APBB1IP: variants seen among roughly 807,000 people sequenced by gnomAD.
APBB1IP encodes amyloid beta A4 precursor protein-binding family B member 1-interacting protein.
Under a neutral mutation model 64.9 loss-of-function variants are expected in APBB1IP, and 27 were observed. The observed-to-expected ratio is 0.42, with a 90% CI of 0.31 to 0.57. The LOEUF (loss-of-function observed/expected upper bound fraction) is 0.57. APBB1IP is among the 20% of genes least tolerant of loss of function. The pLI, the probability that APBB1IP is intolerant of heterozygous loss-of-function variation, is 0.20. For missense variants in APBB1IP, 812 were observed against 845.5 expected (o/e 0.96, Z 0.49); for synonymous variants, 392 against 331.0 (o/e 1.18, Z -2.00).
At position 26,533,515 on chromosome 10, in the gene APBB1IP, C is replaced by T; in HGVS notation, c.890C>T (p.Ser297Phe). ...NEKMNAKNKESLLEESFCGTS... is the reference protein window; with the variant it reads ...NEKMNAKNKEFLLEESFCGTS... Reference sequence around the variant, plus strand: ...AAAATGAATGCTAAGAACAAGGAATCCTTACTTGAGGTAAGGTTAATTTTG... The same window carrying T: ...AAAATGAATGCTAAGAACAAGGAATTCTTACTTGAGGTAAGGTTAATTTTG... Residue 297 changes from serine to phenylalanine, a missense_variant, in exon 9 of 15, where the codon TCC becomes TTC. Ser to Phe is a radical substitution (Grantham distance 155). This residue lies in a region of APBB1IP where 394 missense variants were observed against 413.1 expected (regional missense o/e 0.95). Transcript: ENST00000376236. 2 of 1,597,940 alleles carry T rather than the reference C, an allele frequency of 1.3e-6. No individual in the cohort carries two copies. Among genetic ancestry groups the T allele is most frequent in the Non-Finnish European group, 1.7e-6 (2 of 1,172,948 alleles).
Position 26,484,776 on chromosome 10 carries a change from T to A in APBB1IP, c.1-7551T>A, listed in dbSNP as rs549532543. Among the ~76,000 whole-genome samples the A allele has an allele frequency of 1.7e-3, 252 of 152,302 alleles. 1 individual carries two copies. The highest frequency in any genetic ancestry group is 5.8e-3 in the African/African-American group (241 of 41,548). ...TGCATCAAATAATCCCTTAATTTAA[T>A]ACCATTCTGCTCAAAATTCAGTTTC... On this transcript the variant is annotated intron_variant, in intron 2 of 14. Transcript: ENST00000376236.
At position 26,513,638 on chromosome 10, in the gene APBB1IP, A is replaced by G. The variant is rs764152257; in HGVS notation, c.791A>G (p.Tyr264Cys). 6.2e-7 allele frequency: 1 copy of G among 1,612,968 alleles called. No homozygotes were observed. Among genetic ancestry groups the G allele is most frequent in the South Asian group, 1.1e-5 (1 of 90,676 alleles). ...KILFLEKEEK[Y>C]AVFKNPQNFY... The stretch of plus-strand genomic sequence containing the variant: ...CTATTTTTGGAGAAAGAGGAGAAAT[A>G]TGCTGTATTTAAAAACCCCCAGGTA... The change falls in exon 8 of 15, where the codon TAT becomes TGT. Residue 264 changes from tyrosine to cysteine, a missense_variant. Physicochemically the swap from Tyr to Cys is radical, Grantham distance 194. Transcript: ENST00000376236.
chr10:26,490,909 G>T (rs1835947074), intron 2 of APBB1IP, among the ~76,000 whole-genome samples: 1 of 152,066 alleles, frequency 6.6e-6, no homozygotes, highest in Admixed American at 6.6e-5. Context: ...AATACATACT[G>T]ATTCCCTACA....
intron 10 of APBB1IP, among the ~76,000 whole-genome samples, chr10:26,537,531 C>T (rs1318198577): frequency 6.6e-6 from 1 of 152,172 alleles, no homozygotes; most frequent in Non-Finnish European, 1.5e-5. Flanking sequence ...TCACAACTGA[C>T]CCACAAATAA....
intron 2 of APBB1IP, among the ~76,000 whole-genome samples, chr10:26,450,742 C>G (rs906001382): frequency 5.4e-5 from 8 of 147,446 alleles, no homozygotes; most frequent in Non-Finnish European, 8.9e-5. Flanking sequence ...GTCTCCCAGG[C>G]TGGAGTACAA....
chr10:26,541,255 G>A (rs923598519), intron 10 of APBB1IP, among the ~76,000 whole-genome samples: 5 of 152,268 alleles, frequency 3.3e-5, no homozygotes, highest in African/African-American at 9.6e-5. Context: ...ATAATGTATG[G>A]TGATCAGATC....
chr10:26,474,334 T>C (rs757082521), intron 2 of APBB1IP, among the ~76,000 whole-genome samples: 1 of 152,216 alleles, frequency 6.6e-6, no homozygotes, highest in Non-Finnish European at 1.5e-5. Context: ...GCAAGTTCAT[T>C]ACTTCATTGC....
chr10:26,495,615 A>G lies in APBB1IP; in HGVS notation c.73-689A>G, dbSNP rs1339016527. On this transcript the variant is annotated intron_variant, in intron 3 of 14. Transcript: ENST00000376236. ...AAGACCCCCGTCTCATTTTTGTTAA[A>G]AAAAAAAAAAAGAATAGGAAAGAGG... 1.3e-5 allele frequency among the ~76,000 whole-genome samples: 2 copies of G among 149,894 alleles called. 1 individual carries two copies. The highest frequency in any genetic ancestry group is 4.9e-5 in the African/African-American group (2 of 40,864).
intron 2 of APBB1IP, among the ~76,000 whole-genome samples, chr10:26,442,070 T>C (rs1835344008): frequency 6.6e-6 from 1 of 152,100 alleles, no homozygotes; most frequent in Non-Finnish European, 1.5e-5. Context: ...ACAATGAGTT[T>C]ATAGTCTAGA....
At chr10:26,469,647 C>T (rs703005) in intron 2 of APBB1IP, among the ~76,000 whole-genome samples, 97,324 of 151,960 alleles carry the variant, frequency 0.64, 31,482 homozygotes, top group East Asian at 0.93. Flanking sequence ...ACAAGTTTGT[C>T]ACTGGGTATA....
chr10:26,531,523 C>T lies in APBB1IP; in HGVS notation c.814-1916C>T, dbSNP rs555600674. Among the ~76,000 whole-genome samples, 32 of 151,874 alleles carry T rather than the reference C, an allele frequency of 2.1e-4. No individual in the cohort carries two copies. In the South Asian group the frequency reaches 6.2e-3, roughly 30 times the overall value. ...TCTACTAAAAATACAAAAAATTAGC[C>T]GGGCGCGATGGCGGGCGCCTGTAGT... On this transcript the variant is annotated intron_variant, in intron 8 of 14. Transcript: ENST00000376236.
chr10:26,564,090 C>T (rs1461958853), intron 14 of APBB1IP, among the ~76,000 whole-genome samples: 3 of 97,716 alleles, frequency 3.1e-5, no homozygotes, highest in African/African-American at 8.7e-5. Context: ...AGTAAATAAA[C>T]TAAATAAAAT....
chr10:26,447,433 A>T (rs1835414073), intron 2 of APBB1IP, among the ~76,000 whole-genome samples: 1 of 152,066 alleles, frequency 6.6e-6, no homozygotes, highest in Non-Finnish European at 1.5e-5. Flanking sequence ...AAATGGAAGA[A>T]AGATACGCCA....
intron 10 of APBB1IP, among the ~76,000 whole-genome samples, chr10:26,538,849 C>G (rs1316895091): frequency 2.6e-5 from 4 of 152,022 alleles, no homozygotes. Context: ...TGAAGAACAT[C>G]AAGGTAGATC....
chr10:26,459,981 ATTTAC>A (rs939970045), intron 2 of APBB1IP, among the ~76,000 whole-genome samples: 1 of 152,136 alleles, frequency 6.6e-6, no homozygotes, highest in Non-Finnish European at 1.5e-5. Flanking sequence ...ATTATTTTCT[ATTTAC>A]TTAGTCTTAA....
At chr10:26,515,787 CAG>C (rs1836319442) in intron 8 of APBB1IP, among the ~76,000 whole-genome samples, 4 of 152,032 alleles carry the variant, frequency 2.6e-5, no homozygotes, top group Non-Finnish European at 5.9e-5. Context: ...TAGGCTGGAT[CAG>C]AGATTACCTC....
At chr10:26,469,245 CTTCTTTTCTT>C (rs1284098851) in intron 2 of APBB1IP, among the ~76,000 whole-genome samples, 1 of 143,142 alleles carries the variant, frequency 7.0e-6, no homozygotes, top group African/African-American at 2.7e-5. Context: ...GTTTTCTTTC[CTTCTTTTCTT>C]TTCTTTTTTT....
At chr10:26,478,340 G>A (rs1460475670) in intron 2 of APBB1IP, among the ~76,000 whole-genome samples, 1 of 152,224 alleles carries the variant, frequency 6.6e-6, no homozygotes, top group Non-Finnish European at 1.5e-5. Flanking sequence ...GCCAGTGAGT[G>A]GGGCGGGAGG....
chr10:26,484,198 G>A (rs1197120620), intron 2 of APBB1IP, among the ~76,000 whole-genome samples: 1 of 152,026 alleles, frequency 6.6e-6, no homozygotes, highest in African/African-American at 2.4e-5. Context: ...TGCTGCCACC[G>A]AAAACATCAA....
Sources: gnomAD v4.1 joint callset for allele counts (sites outside exome capture counted in the v4.1 genomes callset) on GRCh38, gnomAD v4.1.1 for gene constraint, gnomAD v4.1.1 regional missense constraint, MANE v1.5 for transcripts, NCBI Gene and HGNC (gene_info 2026-07-23, HGNC 2026-07-21) for gene names.